The following GXYLT2 variants were observed in gnomAD, a reference collection of about 807,000 sequenced individuals.
GXYLT2 encodes glycosyltransferase 8 domain containing 4.
Under a neutral mutation model 45.8 loss-of-function variants are expected in GXYLT2, and 53 were observed. The observed-to-expected ratio is 1.16, with a 90% CI of 0.93 to 1.46. GXYLT2 has a LOEUF of 1.46. Ranked by LOEUF, GXYLT2 falls within the 40% of genes most tolerant of loss-of-function variation. The pLI, the probability that GXYLT2 is intolerant of heterozygous loss-of-function variation, is 0.00. For missense variants in GXYLT2, 551 were observed against 544.4 expected, an observed-to-expected ratio of 1.01 and a Z score of -0.12; for synonymous variants, 219 against 214.2, an observed-to-expected ratio of 1.02 and a Z score of -0.19.
At chr3:72,909,502 A>G (rs939138513) in intron 2 of GXYLT2, among the ~76,000 whole-genome samples, 3 of 152,060 alleles carry the variant, frequency 2.0e-5, no homozygotes, top group Admixed American at 6.5e-5. Flanking sequence ...TGTACTCTGT[A>G]TATTGTTGTG....
intron 6 of GXYLT2, among the ~76,000 whole-genome samples, chr3:72,968,358 GA>G (rs548037794): frequency 1.2e-3 from 187 of 152,282 alleles, no homozygotes; most frequent in Admixed American, 2.3e-3. Context: ...ACAATAAAAA[GA>G]AAATGATATT....
intron 6 of GXYLT2, among the ~76,000 whole-genome samples, chr3:72,974,684 G>C (rs1201053966): frequency 2.0e-5 from 3 of 152,138 alleles, no homozygotes; most frequent in African/African-American, 7.2e-5. Flanking sequence ...CTGGGCTCAA[G>C]TGGTCCTCCC....
At chr3:72,902,797 G>A (rs144569051) in intron 1 of GXYLT2, among the ~76,000 whole-genome samples, 3,210 of 152,170 alleles carry the variant, frequency 0.021, 120 homozygotes, top group African/African-American at 0.072. Context: ...GGAGGATCAC[G>A]AGGTCAGGAG....
Position 72,912,011 on chromosome 3 carries a change from A to ATT in GXYLT2, c.468+3453_468+3454insTT, listed in dbSNP as rs1235800748. On this transcript the variant is annotated intron_variant, in intron 2 of 6. Transcript: ENST00000389617. ...TGTGTGTGTATATATATATATATATATATTTTTTTTTTTTTTTGAGACAGC... is the reference window on the plus strand; with the variant it reads ...TGTGTGTGTATATATATATATATATATTTATTTTTTTTTTTTTTTGAGACAGC... Among the ~76,000 whole-genome samples the ATT allele has an allele frequency of 1.2e-3, 144 of 115,508 alleles. 3 individuals are homozygous for ATT. Among genetic ancestry groups the ATT allele is most frequent in the African/African-American group, 6.1e-3 (137 of 22,632 alleles). 75.8% of individuals were successfully genotyped at this position (115,508 alleles called of 152,430 possible). A position where few individuals can be genotyped will look rare whatever the true frequency, so the allele number is the denominator to read the frequency against.
chr3:72,925,399 G>A (rs1368408272), intron 3 of GXYLT2, among the ~76,000 whole-genome samples: 5 of 151,932 alleles, frequency 3.3e-5, no homozygotes, highest in Non-Finnish European at 5.9e-5. Flanking sequence ...CAGGTGATCC[G>A]CCCGCCTCGG....
At chr3:72,959,978 C>G (rs1407965633) in intron 5 of GXYLT2, among the ~76,000 whole-genome samples, 1 of 152,084 alleles carries the variant, frequency 6.6e-6, no homozygotes, top group Admixed American at 6.6e-5. Context: ...CGGAATCTCA[C>G]TCTGTCACCC....
chr3:72,910,147 G>A (rs1291272932), intron 2 of GXYLT2, among the ~76,000 whole-genome samples: 2 of 152,030 alleles, frequency 1.3e-5, no homozygotes, highest in East Asian at 3.8e-4. Context: ...AGAATATATA[G>A]CATTTGTTAA....
chr3:72,916,601 G>C (rs562024728), intron 2 of GXYLT2, among the ~76,000 whole-genome samples: 1 of 151,958 alleles, frequency 6.6e-6, no homozygotes, highest in Non-Finnish European at 1.5e-5. Flanking sequence ...GTGTAGTGGC[G>C]TGATCTCCAC....
chr3:72,912,155 C>T (rs1349375535), intron 2 of GXYLT2, among the ~76,000 whole-genome samples: 1 of 151,464 alleles, frequency 6.6e-6, no homozygotes, highest in Non-Finnish European at 1.5e-5. Context: ...GGACTACAAA[C>T]TGCGCCACCA....
At position 72,922,327 on chromosome 3, in the gene GXYLT2, T is replaced by C. The variant is rs1709846788; in HGVS notation, c.592T>C (p.Phe198Leu). The C allele has an allele frequency of 6.2e-7, 1 of 1,610,960 alleles. No individual in the cohort carries two copies. Among genetic ancestry groups the C allele is most frequent in the Non-Finnish European group, 8.5e-7 (1 of 1,179,160 alleles). Residue 198 changes from phenylalanine to leucine, a missense_variant, in exon 3 of 7, where the codon TTT becomes CTT. Physicochemically the swap from Phe to Leu is conservative, Grantham distance 22. Coordinates refer to ENST00000389617, the MANE Select transcript of GXYLT2 (RefSeq NM_001080393.2). ...CAAACCCTGTGCTGCCCAGAGACTC[T>C]TTCTTCCGGTAGGAACACCTGTTTT... is the stretch of plus-strand genomic sequence containing the variant. ...LFKPCAAQRLFLPVILKDVDS... is the reference protein window; with the variant it reads ...LFKPCAAQRLLLPVILKDVDS...
At chr3:72,921,420 T>A (rs1413988526) in intron 2 of GXYLT2, among the ~76,000 whole-genome samples, 1 of 152,158 alleles carries the variant, frequency 6.6e-6, no homozygotes, top group Non-Finnish European at 1.5e-5. Flanking sequence ...TTTTTCTTTT[T>A]CAATTTAATT....
chr3:72,968,902 C>CA (rs199918996), intron 6 of GXYLT2, among the ~76,000 whole-genome samples: 14 of 150,366 alleles, frequency 9.3e-5, no homozygotes, highest in Admixed American at 4.6e-4. Context: ...CTAAAAAATA[C>CA]AAAAAAAAAA....
At chr3:72,940,239 G>A (rs569738604) in intron 3 of GXYLT2, among the ~76,000 whole-genome samples, 56 of 152,230 alleles carry the variant, frequency 3.7e-4, no homozygotes, top group African/African-American at 1.3e-3. Flanking sequence ...CCATTTATTC[G>A]GTAATATTTA....
At chr3:72,964,644 C>T (rs985053362) in intron 5 of GXYLT2, among the ~76,000 whole-genome samples, 1 of 152,142 alleles carries the variant, frequency 6.6e-6, no homozygotes, top group Non-Finnish European at 1.5e-5. Flanking sequence ...TTTTTGTAAG[C>T]CCTAAACTAC....
At chr3:72,902,528 T>C (rs947476040) in intron 1 of GXYLT2, among the ~76,000 whole-genome samples, 3 of 152,142 alleles carry the variant, frequency 2.0e-5, no homozygotes, top group African/African-American at 7.2e-5. Context: ...ATCAGAAAAG[T>C]GTTCAAGACA....
At position 72,975,369 on chromosome 3, in the gene GXYLT2, GA is replaced by G. The variant is rs5850090; in HGVS notation, c.*222del. ...TTCTAAAATGCTATTTATCTCTAAGGAAAAAAAAAAAAGACTATTACTCATT... is the reference window on the plus strand; with the variant it reads ...TTCTAAAATGCTATTTATCTCTAAGGAAAAAAAAAAAGACTATTACTCATT... On this transcript the variant is annotated 3_prime_UTR_variant, in exon 7 of 7. Transcript: ENST00000389617. The G allele has an allele frequency of 0.013, 4,323 of 325,702 alleles. No homozygotes were observed. Among genetic ancestry groups the G allele is most frequent in the Middle Eastern group, 0.023 (28 of 1,220 alleles). 20.2% of individuals were successfully genotyped at this position (325,702 alleles called of 1,614,324 possible).
intron 3 of GXYLT2, among the ~76,000 whole-genome samples, chr3:72,933,211 T>C (rs992875437): frequency 1.3e-5 from 2 of 151,950 alleles, no homozygotes; most frequent in African/African-American, 2.4e-5. Flanking sequence ...AGCAACATCA[T>C]TTTTTTTGAC....
chr3:72,944,940 G>A (rs759585099), intron 3 of GXYLT2, among the ~76,000 whole-genome samples: 2 of 152,042 alleles, frequency 1.3e-5, no homozygotes, highest in South Asian at 2.1e-4. Flanking sequence ...GGATATTCCC[G>A]TGATTGGCAA....
At chr3:72,924,442 G>A (rs1473411600) in intron 3 of GXYLT2, among the ~76,000 whole-genome samples, 3 of 151,958 alleles carry the variant, frequency 2.0e-5, no homozygotes, top group Admixed American at 6.6e-5. Context: ...GGGCTCAAGC[G>A]GTCCTCCCAC....
Sources: gnomAD v4.1 joint callset for allele counts (sites outside exome capture counted in the v4.1 genomes callset) on GRCh38, gnomAD v4.1.1 for gene constraint, MANE v1.5 for transcripts, NCBI Gene and HGNC (gene_info 2026-07-23, HGNC 2026-07-21) for gene names.